Variants in COL9A1 observed in about 807,000 individuals in gnomAD.
COL9A1 encodes collagen type IX alpha 1 chain.
COL9A1 carries 104 observed loss-of-function variants against 142.6 expected under a neutral mutation model. The ratio of observed to expected loss-of-function variants is 0.73; its 90% CI spans 0.62 to 0.86. COL9A1 has a LOEUF of 0.86. Among genes scored for constraint, COL9A1 ranks in the 40% least tolerant of loss-of-function variants. COL9A1 has a pLI of 0.00. For missense variants in COL9A1, 1,210 were observed against 1,176.6 expected (o/e 1.03, Z -0.42); for synonymous variants, 466 against 396.0 (o/e 1.18, Z -2.10).
In COL9A1 at chr6:70,272,142, T is replaced by C. The variant is rs377301379; in HGVS notation, c.1066-54A>G. 3.7e-5 allele frequency: 53 copies of C among 1,415,670 alleles called. No individual in the cohort carries two copies. The East Asian group carries it at 5.8e-4, about 16-fold the overall frequency. The allele number at this position is 1,415,670 out of a possible 1,614,324, so 87.7% of individuals were successfully genotyped here. A position where few individuals can be genotyped will look rare whatever the true frequency, so the allele number is the denominator to read the frequency against. ...GCTTGAGGTTTATACTTAGTATAAA[T>C]ATGAATGTAGACATAACTCAGCTAA... On this transcript the variant is annotated intron_variant, in intron 12 of 37. Coordinates refer to ENST00000357250, the MANE Select transcript of COL9A1 (RefSeq NM_001851.6).
intron 37 of COL9A1, among the ~76,000 whole-genome samples, chr6:70,220,389 G>GGGGT (rs1768801022): frequency 6.7e-6 from 1 of 148,598 alleles, no homozygotes; most frequent in African/African-American, 2.5e-5. Context: ...GGTGTGGCAG[G>GGGGT]GTGTGTGTGT....
intron 36 of COL9A1, among the ~76,000 whole-genome samples, chr6:70,226,667 A>G (rs1769248789): frequency 6.6e-6 from 1 of 152,140 alleles, no homozygotes; most frequent in African/African-American, 2.4e-5. Context: ...AACTAATCAG[A>G]AATAGGCAAG....
chr6:70,236,090 G>A (rs1447298168), intron 33 of COL9A1, among the ~76,000 whole-genome samples: 1 of 132,950 alleles, frequency 7.5e-6, no homozygotes, highest in Non-Finnish European at 1.6e-5. Context: ...TCCAGCCTGG[G>A]TGACAGAGCG....
chr6:70,288,210 C>G (rs571604143), intron 5 of COL9A1, among the ~76,000 whole-genome samples: 2 of 152,200 alleles, frequency 1.3e-5, no homozygotes, highest in South Asian at 4.1e-4. Flanking sequence ...CTTCCAATTA[C>G]TCGCGCCTAA....
chr6:70,258,182 A>G (rs1771445759), intron 20 of COL9A1, among the ~76,000 whole-genome samples: 1 of 152,204 alleles, frequency 6.6e-6, no homozygotes, highest in Non-Finnish European at 1.5e-5. Context: ...TACATATGCT[A>G]TCTGACAAAA....
At chr6:70,227,629 G>C (rs1014577589) in intron 36 of COL9A1, among the ~76,000 whole-genome samples, 17 of 151,926 alleles carry the variant, frequency 1.1e-4, no homozygotes, top group African/African-American at 4.1e-4. Context: ...CTACTTCTAG[G>C]AATTTATCAT....
At chr6:70,273,553 A>G (rs1484041113) in intron 12 of COL9A1, among the ~76,000 whole-genome samples, 1 of 152,174 alleles carries the variant, frequency 6.6e-6, no homozygotes, top group African/African-American at 2.4e-5. Context: ...GTCCTCATAT[A>G]TACAAATAAC....
intron 4 of COL9A1, among the ~76,000 whole-genome samples, chr6:70,297,550 T>C (rs1345685942): frequency 6.6e-6 from 1 of 152,162 alleles, no homozygotes; most frequent in Non-Finnish European, 1.5e-5. Flanking sequence ...TTTCTTGGAA[T>C]ACCCGAAATT....
intron 18 of COL9A1, among the ~76,000 whole-genome samples, chr6:70,265,270 G>T (rs1771937710): frequency 6.6e-6 from 1 of 152,056 alleles, no homozygotes; most frequent in African/African-American, 2.4e-5. Context: ...TCCAAATCCT[G>T]TGGGATGGGG....
intron 14 of COL9A1, 64 bp downstream of exon 14, chr6:70,271,591 C>G (rs961933727): frequency 2.7e-6 from 4 of 1,481,672 alleles, no homozygotes; most frequent in Non-Finnish European, 3.8e-6. Context: ...GGGTAATTTG[C>G]TTTCCCAAAT....
At chr6:70,288,034 GAC>G (rs1432028981) in intron 5 of COL9A1, among the ~76,000 whole-genome samples, 3 of 151,960 alleles carry the variant, frequency 2.0e-5, no homozygotes, top group Non-Finnish European at 4.4e-5. Flanking sequence ...TTCCCAGATG[GAC>G]CTATCTGTTG....
chr6:70,264,727 T>C (rs770458016), intron 18 of COL9A1, among the ~76,000 whole-genome samples: 4 of 152,114 alleles, frequency 2.6e-5, no homozygotes, highest in Non-Finnish European at 4.4e-5. Context: ...TTATGAAGTT[T>C]AGGAGTAGCA....
At position 70,255,181 on chromosome 6, in the gene COL9A1, A is replaced by G; in HGVS notation, c.1580T>C (p.Ile527Thr). 1 of 1,614,224 alleles carries G rather than the reference A, an allele frequency of 6.2e-7. No individual in the cohort carries two copies. The highest frequency in any genetic ancestry group is 1.1e-5 in the South Asian group (1 of 91,084). ...GDRGAEGARG[I>T]PGLPGPKGDT... ...TCCTTTGGGCCCAGGGAGACCAGGAATTCCTCTAGCACCTTCAGCCCCCTG... is the reference window on the plus strand; with the variant it reads ...TCCTTTGGGCCCAGGGAGACCAGGAGTTCCTCTAGCACCTTCAGCCCCCTG... The change falls in exon 23 of 38, where the codon ATT (isoleucine) becomes ACT (threonine). Residue 527 changes from isoleucine (I) to threonine (T), a missense_variant. Coordinates refer to ENST00000357250, the MANE Select transcript of COL9A1 (RefSeq NM_001851.6).
chr6:70,299,625 C>T (rs1342343764), intron 4 of COL9A1, among the ~76,000 whole-genome samples: 1 of 152,138 alleles, frequency 6.6e-6, no homozygotes, highest in African/African-American at 2.4e-5. Flanking sequence ...AAGCAGTGGA[C>T]GTGTGGCTCC....
chr6:70,228,265 A>T (rs1769354679), intron 36 of COL9A1, among the ~76,000 whole-genome samples: 1 of 152,074 alleles, frequency 6.6e-6, no homozygotes, highest in South Asian at 2.1e-4. Context: ...GAAATTGGGG[A>T]TTTAGCAGCC....
At position 70,232,064 on chromosome 6, in the gene COL9A1, GA is replaced by G. The variant is rs35894805; in HGVS notation, c.2503+518del. Reference sequence around the variant, plus strand: ...AGGAATTAGATTGTACTTCAGAGCTGAAAAAAAAATCCATCAAAACTAAATA... The same window carrying G: ...AGGAATTAGATTGTACTTCAGAGCTGAAAAAAAATCCATCAAAACTAAATA... On this transcript the variant is annotated intron_variant, in intron 36 of 37. Coordinates refer to ENST00000357250, the MANE Select transcript of COL9A1 (RefSeq NM_001851.6). 4.0e-5 allele frequency among the ~76,000 whole-genome samples: 6 copies of G among 151,036 alleles called. 1 individual carries two copies. The highest frequency in any genetic ancestry group is 4.2e-4 in the South Asian group (2 of 4,776).
intron 2 of COL9A1, 59 bp downstream of exon 2, chr6:70,301,942 C>T (rs1774078787): frequency 7.2e-7 from 1 of 1,381,068 alleles, no homozygotes; most frequent in Admixed American, 1.9e-5. Flanking sequence ...AGCCACAGCC[C>T]TGCCTGATCA....
chr6:70,222,032 G>A (rs371356492), intron 37 of COL9A1, among the ~76,000 whole-genome samples: 7 of 152,260 alleles, frequency 4.6e-5, no homozygotes, highest in Admixed American at 1.3e-4. Flanking sequence ...AAAACTAATC[G>A]TATGATTAGA....
At chr6:70,229,580 T>G (rs769256005) in intron 36 of COL9A1, among the ~76,000 whole-genome samples, 1 of 152,172 alleles carries the variant, frequency 6.6e-6, no homozygotes, top group Non-Finnish European at 1.5e-5. Flanking sequence ...TCTCAAACCT[T>G]CATTTACATA....
Sources: allele counts gnomAD v4.1 joint callset (sites outside exome capture counted in the v4.1 genomes callset), GRCh38; gene constraint gnomAD v4.1.1; transcripts MANE v1.5; gene names NCBI Gene and HGNC (gene_info 2026-07-23, HGNC 2026-07-21).